Variants in RPH3A observed in about 807,000 individuals in gnomAD.
RPH3A encodes rabphilin-3A.
A neutral mutation model predicts 102.2 loss-of-function variants in RPH3A; 48 were observed. The observed-to-expected ratio is 0.47, with a 90% CI of 0.37 to 0.60. The LOEUF is 0.60. Ranked by LOEUF, RPH3A falls within the 20% of genes least tolerant of loss-of-function variation. RPH3A has a pLI of 0.00. For synonymous variants in RPH3A, 310 were observed against 324.3 expected (o/e 0.96, Z 0.47); for missense variants, 781 against 910.1 (o/e 0.86, Z 1.83).
At chr12:112,837,531 C>T (rs2042073824) in intron 4 of RPH3A, among the ~76,000 whole-genome samples, 1 of 152,156 alleles carries the variant, frequency 6.6e-6, no homozygotes, top group Non-Finnish European at 1.5e-5. Context: ...ATTCTTCTCC[C>T]TGCCCTGTGC....
At chr12:112,849,408 AGTGTGTGTGTGT>A (rs35635799) in intron 5 of RPH3A, among the ~76,000 whole-genome samples, 2 of 146,720 alleles carry the variant, frequency 1.4e-5, no homozygotes, top group Admixed American at 6.8e-5. Context: ...CCAGACTGGC[AGTGTGTGTGTGT>A]GTGTGTGTGT....
chr12:112,704,451 G>A (rs1163797245), intron 1 of RPH3A, among the ~76,000 whole-genome samples: 1 of 152,166 alleles, frequency 6.6e-6, no homozygotes, highest in Non-Finnish European at 1.5e-5. Context: ...AGGGAAGGTG[G>A]CCCTTTGCTC....
chr12:112,711,730 T>C (rs536231683), intron 1 of RPH3A, among the ~76,000 whole-genome samples: 2 of 152,354 alleles, frequency 1.3e-5, no homozygotes, highest in East Asian at 1.9e-4. Flanking sequence ...TGTTATCCAG[T>C]GCAGGTAGGA....
At chr12:112,850,051 C>T (rs1229392078) in intron 5 of RPH3A, among the ~76,000 whole-genome samples, 1 of 152,128 alleles carries the variant, frequency 6.6e-6, no homozygotes, top group African/African-American at 2.4e-5. Flanking sequence ...TTCTCCCTAC[C>T]AACCTGGTGA....
chr12:112,674,581 C>T (rs930134584), intron 1 of RPH3A, among the ~76,000 whole-genome samples: 1 of 152,060 alleles, frequency 6.6e-6, no homozygotes, highest in Non-Finnish European at 1.5e-5. Flanking sequence ...CTAAAGGGAC[C>T]CCTGACACAG....
chr12:112,844,337 AT>A (rs2042196029), intron 4 of RPH3A, among the ~76,000 whole-genome samples: 1 of 152,212 alleles, frequency 6.6e-6, no homozygotes, highest in Admixed American at 6.5e-5. Flanking sequence ...GGTCCACACG[AT>A]TAGGAAATGT....
intron 3 of RPH3A, among the ~76,000 whole-genome samples, chr12:112,835,757 A>G (rs16942262): frequency 0.068 from 10,313 of 152,198 alleles, 1,202 homozygotes; most frequent in African/African-American, 0.24. Flanking sequence ...TTATTTTCAA[A>G]TGTCTTTCTC....
chr12:112,760,715 G>A (rs2040849351), intron 1 of RPH3A, among the ~76,000 whole-genome samples: 1 of 152,198 alleles, frequency 6.6e-6, no homozygotes, highest in Admixed American at 6.5e-5. Context: ...TTCTGCCAGG[G>A]ACATTTGGGA....
At position 112,582,996 on chromosome 12, in the gene RPH3A, G is replaced by A. The variant is rs543498382; in HGVS notation, c.-140+7677G>A. ...TGGATAAATGCCCCAGAAACTTGCT[G>A]GGTGGGTGGCTTCGTGAATTTTCCC... On this transcript the variant is annotated intron_variant, in intron 1 of 21. Transcript: ENST00000543106. Among the ~76,000 whole-genome samples the A allele has an allele frequency of 2.6e-5, 4 of 152,240 alleles. No homozygotes were observed. In the South Asian group the frequency reaches 8.3e-4, roughly 32 times the overall value.
intron 1 of RPH3A, among the ~76,000 whole-genome samples, chr12:112,729,307 C>T (rs1405257217): frequency 6.6e-6 from 1 of 152,068 alleles, no homozygotes; most frequent in African/African-American, 2.4e-5. Context: ...CTATCTCAGT[C>T]CCCTCGCTGA....
rs144439062 is a variant in RPH3A, at chr12:112,738,957, A to G, written c.-139-53186A>G. Reference sequence around the variant, plus strand: ...AATGAAAGCAAAGTAGGGTCGCAGTATGAGGTAGATGCATGCACGAAGGAG... The same window carrying G: ...AATGAAAGCAAAGTAGGGTCGCAGTGTGAGGTAGATGCATGCACGAAGGAG... On this transcript the variant is annotated intron_variant, in intron 1 of 21. Coordinates refer to the RPH3A transcript ENST00000543106. Among the ~76,000 whole-genome samples the G allele has an allele frequency of 8.3e-4, 127 of 152,250 alleles. 1 individual carries two copies. The highest frequency in any genetic ancestry group is 2.8e-3 in the African/African-American group (118 of 41,528).
At position 112,826,195 on chromosome 12, in the gene RPH3A, C is replaced by A. The variant is rs184555138; in HGVS notation, c.-18-2106C>A. ...AACCTACACGAAGGGATAGAGAGAGCCAGACAGGCATCTGCAAGAAGGCTT... is the reference window on the plus strand; with the variant it reads ...AACCTACACGAAGGGATAGAGAGAGACAGACAGGCATCTGCAAGAAGGCTT... On this transcript the variant is annotated intron_variant, in intron 2 of 21. Transcript: ENST00000389385. Among the ~76,000 whole-genome samples, 17 of 152,260 alleles carry A rather than the reference C, an allele frequency of 1.1e-4. 2 individuals are homozygous for A. In the South Asian group the frequency reaches 3.5e-3, roughly 32 times the overall value.
intron 1 of RPH3A, among the ~76,000 whole-genome samples, chr12:112,595,191 A>C (rs2039508681): frequency 6.6e-6 from 1 of 152,210 alleles, no homozygotes; most frequent in Admixed American, 6.5e-5. Flanking sequence ...TTACATGGCT[A>C]TGAGTTAATT....
intron 1 of RPH3A, among the ~76,000 whole-genome samples, chr12:112,686,965 T>A (rs379809): frequency 0.86 from 131,028 of 151,740 alleles, 56,774 homozygotes; most frequent in African/African-American, 0.94. Context: ...AAGTATAAAA[T>A]TTAACTAGGC....
At chr12:112,870,190 T>C (rs2042684277) in intron 10 of RPH3A, 151 bp downstream of exon 10, 1 of 772,454 alleles carries the variant, frequency 1.3e-6, no homozygotes, top group African/African-American at 1.8e-5. Flanking sequence ...TTTTAGTCTA[T>C]GGTAGAGGAA....
intron 1 of RPH3A, among the ~76,000 whole-genome samples, chr12:112,603,945 G>A (rs1358554406): frequency 6.6e-6 from 1 of 152,182 alleles, no homozygotes; most frequent in African/African-American, 2.4e-5. Flanking sequence ...GTTGTGGAAG[G>A]CAGGAGGGGA....
At chr12:112,843,168 G>A (rs16942270) in intron 4 of RPH3A, among the ~76,000 whole-genome samples, 7,304 of 152,228 alleles carry the variant, frequency 0.048, 609 homozygotes, top group African/African-American at 0.17. Flanking sequence ...CCCAAGGACC[G>A]ATTCTTGAGG....
In RPH3A at chr12:112,881,901, C is replaced by T. The variant is rs953294728; in HGVS notation, c.1326+55C>T. 3 of 1,430,766 alleles carry T rather than the reference C, an allele frequency of 2.1e-6. No homozygotes were observed. In the South Asian group the frequency reaches 3.7e-5, roughly 17 times the overall value. 88.6% of individuals were successfully genotyped at this position (1,430,766 alleles called of 1,614,324 possible). A position where few individuals can be genotyped will look rare whatever the true frequency, so the allele number is the denominator to read the frequency against. ...CCGGGTGCATGGGCCCTGGCAGATA[C>T]CCAGGGTTCTCAGCTCAGAGCCCAA... On this transcript the variant is annotated intron_variant, in intron 15 of 21. Coordinates refer to ENST00000389385, the MANE Select transcript of RPH3A (RefSeq NM_001143854.2).
At chr12:112,773,489 T>C (rs963877821) in intron 1 of RPH3A, among the ~76,000 whole-genome samples, 1 of 152,188 alleles carries the variant, frequency 6.6e-6, no homozygotes, top group African/African-American at 2.4e-5. Flanking sequence ...TTTAAAAAAA[T>C]AAGTATAGGC....
Sources: allele counts gnomAD v4.1 joint callset (sites outside exome capture counted in the v4.1 genomes callset), GRCh38; gene constraint gnomAD v4.1.1; transcripts MANE v1.5; gene names NCBI Gene and HGNC (gene_info 2026-07-23, HGNC 2026-07-21).